The following B4GALT1 variants were observed in gnomAD, a reference collection of about 807,000 sequenced individuals.
B4GALT1 encodes beta-1,4-galactosyltransferase 1.
A neutral mutation model predicts 34.9 loss-of-function variants in B4GALT1; 16 were observed. That is an observed-to-expected ratio of 0.46 (90% CI 0.31 to 0.70). B4GALT1 has a LOEUF of 0.70. B4GALT1 is among the 30% of genes least tolerant of loss of function. The pLI is 0.05. For missense variants in B4GALT1, 445 were observed against 530.5 expected (o/e 0.84, Z 1.58); for synonymous variants, 221 against 218.1 (o/e 1.01, Z -0.12).
intron 2 of B4GALT1, among the ~76,000 whole-genome samples, chr9:33,128,857 T>C (rs1337892819): frequency 6.6e-6 from 1 of 152,182 alleles, no homozygotes; most frequent in Non-Finnish European, 1.5e-5. Flanking sequence ...TGACCTTGTG[T>C]AGGAACCAGC....
chr9:33,118,515 T>C (rs1839973416), intron 3 of B4GALT1, among the ~76,000 whole-genome samples: 1 of 151,760 alleles, frequency 6.6e-6, no homozygotes, highest in African/African-American at 2.4e-5. Flanking sequence ...TTTTTTTTTT[T>C]TTAAATCAGC....
At chr9:33,138,026 C>T (rs571337904) in intron 1 of B4GALT1, among the ~76,000 whole-genome samples, 4 of 152,380 alleles carry the variant, frequency 2.6e-5, no homozygotes, top group East Asian at 1.9e-4. Context: ...TAAACATAAC[C>T]GCGTTTTGGG....
At chr9:33,106,143 A>G (rs1164512950), downstream of B4GALT1, among the ~76,000 whole-genome samples, 1 of 152,174 alleles carries the variant, frequency 6.6e-6, no homozygotes, top group Non-Finnish European at 1.5e-5. Flanking sequence ...CTAACATCAG[A>G]TCCAATTTCT....
intron 2 of B4GALT1, among the ~76,000 whole-genome samples, chr9:33,123,537 A>G (rs1164476296): frequency 6.6e-6 from 1 of 152,100 alleles, no homozygotes; most frequent in Non-Finnish European, 1.5e-5. Flanking sequence ...GAGGTATACC[A>G]ACAGAGCCTT....
the B4GALT1 span, among the ~76,000 whole-genome samples, chr9:33,176,345 A>T: frequency 6.6e-6 from 1 of 152,124 alleles, no homozygotes; most frequent in African/African-American, 2.4e-5. Flanking sequence ...ACTTTCCGTT[A>T]ATTTTATTTT....
At chr9:33,106,999 C>G (rs943929), downstream of B4GALT1, among the ~76,000 whole-genome samples, 134,835 of 152,140 alleles carry the variant, frequency 0.89, 60,000 homozygotes, top group East Asian at 1. Flanking sequence ...ATTGTGCCCT[C>G]TCTCTACTCT....
chr9:33,113,651 G>C (rs1035452504), intron 5 of B4GALT1, 65 bp from the exon 6 acceptor site: 1 of 1,610,282 alleles, frequency 6.2e-7, no homozygotes. Flanking sequence ...ATCATCACAC[G>C]TACTTCCTCC....
intron 1 of B4GALT1, among the ~76,000 whole-genome samples, chr9:33,137,494 C>T (rs1840288189): frequency 6.6e-6 from 1 of 152,140 alleles, no homozygotes; most frequent in Non-Finnish European, 1.5e-5. Context: ...TGAGCCAGCT[C>T]CCACCTCCCA....
chr9:33,118,267 G>C (rs1227984881), intron 3 of B4GALT1, among the ~76,000 whole-genome samples: 1 of 152,198 alleles, frequency 6.6e-6, no homozygotes, highest in Non-Finnish European at 1.5e-5. Context: ...TGATCTGGGA[G>C]AAGGACTTCA....
chr9:33,184,287 C>CAA, the B4GALT1 span, among the ~76,000 whole-genome samples: 2 of 142,678 alleles, frequency 1.4e-5, no homozygotes, highest in African/African-American at 5.0e-5. Context: ...CACACACACA[C>CAA]AAAAACATAG....
chr9:33,126,667 G>GGTTAACCATAGTTCACCATTGTTAACATT (rs1840113838), intron 2 of B4GALT1, among the ~76,000 whole-genome samples: 1 of 32,838 alleles, frequency 3.0e-5, no homozygotes, highest in Non-Finnish European at 9.6e-5. Flanking sequence ...ATAGCAATAT[G>GGTTAACCATAGTTCACCATTGTTAACATT]GTAGCTCAGA....
At chr9:33,143,101 T>C (rs1280209175) in intron 1 of B4GALT1, among the ~76,000 whole-genome samples, 1 of 152,140 alleles carries the variant, frequency 6.6e-6, no homozygotes, top group East Asian at 1.9e-4. Flanking sequence ...GCCGAGATCA[T>C]GCCACTGCAC....
chr9:33,112,135 T>C lies in B4GALT1; in HGVS notation c.*1319A>G, dbSNP rs964956386. 4 of 152,644 alleles carry C rather than the reference T, an allele frequency of 2.6e-5. No homozygotes were observed. The highest frequency in any genetic ancestry group is 9.7e-5 in the African/African-American group (4 of 41,402). The allele number at this position is 152,644 out of a possible 1,614,324, so 9.5% of individuals were successfully genotyped here. A position where few individuals can be genotyped will look rare whatever the true frequency, so the allele number is the denominator to read the frequency against. On this transcript the variant is annotated 3_prime_UTR_variant, in exon 6 of 6. Transcript: ENST00000379731. ...GAAAAGAGGAAGGAGGAAGAACTGG[T>C]AACAAAGGGTGGGCCACGGAGTGTG...
At chr9:33,167,357 G>C, upstream of B4GALT1, 1 of 723,106 alleles carries the variant, frequency 1.4e-6, no homozygotes, top group African/African-American at 1.8e-5. Flanking sequence ...CGCCCGAGGC[G>C]CCGGCGGAGA....
intron 1 of B4GALT1, among the ~76,000 whole-genome samples, chr9:33,142,654 T>C (rs959245454): frequency 6.6e-5 from 10 of 152,128 alleles, no homozygotes; most frequent in Admixed American, 4.6e-4. Context: ...TCTCGCTCTG[T>C]TACCCAGACC....
At chr9:33,179,506 AGCCTGCTCCCTTGTGGC>A in the B4GALT1 span, 1 of 152,254 alleles carries the variant, frequency 6.6e-6, no homozygotes, top group Non-Finnish European at 1.5e-5. Context: ...GTCATGAGGC[AGCCTGCTCCCTTGTGGC>A]TATCACTGAA....
At chr9:33,149,492 C>T (rs1182887908) in intron 1 of B4GALT1, among the ~76,000 whole-genome samples, 1 of 152,046 alleles carries the variant, frequency 6.6e-6, no homozygotes, top group Non-Finnish European at 1.5e-5. Flanking sequence ...GTTATGTTGG[C>T]TAGGATGGTT....
chr9:33,120,371 A>G lies in B4GALT1; in HGVS notation c.836+48T>C, dbSNP rs760533120. The G allele has an allele frequency of 1.7e-5, 27 of 1,603,340 alleles. No individual in the cohort carries two copies. In the Admixed American group the frequency reaches 4.2e-4, roughly 25 times the overall value. ...GCCAGGACTGCATTTCCTAGTCAAC[A>G]CATGAGAGAGACATGTTTACCACAG... On this transcript the variant is annotated intron_variant, in intron 3 of 5. Coordinates refer to ENST00000379731, the MANE Select transcript of B4GALT1 (RefSeq NM_001497.4).
chr9:33,174,992 T>A, the B4GALT1 span, among the ~76,000 whole-genome samples: 13 of 23,550 alleles, frequency 5.5e-4, no homozygotes, highest in Non-Finnish European at 8.3e-4. Flanking sequence ...AAAAAAAAAA[T>A]ATATATATAT....
Sources: allele counts gnomAD v4.1 joint callset (sites outside exome capture counted in the v4.1 genomes callset), GRCh38; gene constraint gnomAD v4.1.1; transcripts MANE v1.5; gene names NCBI Gene and HGNC (gene_info 2026-07-23, HGNC 2026-07-21).